Variants in PDE7B observed in about 807,000 individuals in gnomAD.
The protein encoded by PDE7B is phosphodiesterase 7B.
Under a neutral mutation model 56.2 loss-of-function variants are expected in PDE7B, and 29 were observed. The ratio of observed to expected loss-of-function variants is 0.52; its 90% CI spans 0.38 to 0.70. PDE7B has a LOEUF of 0.70. Ranked by LOEUF, PDE7B falls within the 30% of genes least tolerant of loss-of-function variation. The pLI, the probability that PDE7B is intolerant of heterozygous loss-of-function variation, is 0.00. For synonymous variants in PDE7B, 197 were observed against 196.9 expected (o/e 1.00, Z 0.00); for missense variants, 490 against 565.0 (o/e 0.87, Z 1.35).
chr6:136,031,172 TAAATA>T (rs1475103099), intron 2 of PDE7B, among the ~76,000 whole-genome samples: 1 of 152,230 alleles, frequency 6.6e-6, no homozygotes, highest in African/African-American at 2.4e-5. Context: ...TTTTCTTTCA[TAAATA>T]ACTAATATGG....
chr6:135,984,186 C>T (rs552978288), intron 2 of PDE7B, among the ~76,000 whole-genome samples: 1 of 152,320 alleles, frequency 6.6e-6, no homozygotes, highest in South Asian at 2.1e-4. Flanking sequence ...GTTGATAAAA[C>T]AGTCAGCTTG....
intron 2 of PDE7B, among the ~76,000 whole-genome samples, chr6:136,028,566 A>T (rs549578836): frequency 6.6e-6 from 1 of 152,288 alleles, no homozygotes; most frequent in South Asian, 2.1e-4. Context: ...GCTCTAAGGG[A>T]TAATCTGTTT....
chr6:136,180,025 C>T (rs1779037951), intron 10 of PDE7B, among the ~76,000 whole-genome samples: 1 of 152,138 alleles, frequency 6.6e-6, no homozygotes, highest in Non-Finnish European at 1.5e-5. Flanking sequence ...TCTTGTCTTC[C>T]TTCTTTTCTT....
intron 1 of PDE7B, among the ~76,000 whole-genome samples, chr6:135,885,542 A>G (rs1456707127): frequency 6.6e-6 from 1 of 152,204 alleles, no homozygotes. Context: ...GTTCAGAAAA[A>G]TAAGAGAGTC....
intron 1 of PDE7B, among the ~76,000 whole-genome samples, chr6:135,926,211 C>T (rs1054846560): frequency 4.6e-5 from 7 of 151,538 alleles, no homozygotes; most frequent in Non-Finnish European, 7.4e-5. Context: ...CTCAGCCTCC[C>T]GAGCAGCTGG....
intron 2 of PDE7B, among the ~76,000 whole-genome samples, chr6:136,003,269 C>T (rs1394601508): frequency 4.6e-5 from 7 of 151,394 alleles, no homozygotes; most frequent in Non-Finnish European, 1.0e-4. Context: ...AAAATTGACA[C>T]CCTAACATCA....
At chr6:135,892,845 T>C (rs529721897) in intron 1 of PDE7B, among the ~76,000 whole-genome samples, 1 of 152,298 alleles carries the variant, frequency 6.6e-6, no homozygotes, top group African/African-American at 2.4e-5. Flanking sequence ...TTACAGTGTA[T>C]TTGCAATGGA....
At chr6:136,028,996 T>C (rs903421962) in intron 2 of PDE7B, among the ~76,000 whole-genome samples, 2 of 152,224 alleles carry the variant, frequency 1.3e-5, no homozygotes, top group Non-Finnish European at 2.9e-5. Flanking sequence ...TAAGTTTGAA[T>C]GTGTTTACAG....
intron 2 of PDE7B, among the ~76,000 whole-genome samples, chr6:136,107,576 T>C (rs1051288857): frequency 1.3e-5 from 2 of 152,224 alleles, no homozygotes; most frequent in Non-Finnish European, 1.5e-5. Flanking sequence ...CAGCATTTAT[T>C]GCCAGGCAGT....
chr6:136,101,131 A>G (rs1218179037), intron 2 of PDE7B, among the ~76,000 whole-genome samples: 1 of 152,184 alleles, frequency 6.6e-6, no homozygotes. Flanking sequence ...ATCGTGGTGG[A>G]TAAGCTTTTT....
chr6:136,183,004 G>A (rs765161952), intron 11 of PDE7B, among the ~76,000 whole-genome samples: 9 of 150,824 alleles, frequency 6.0e-5, no homozygotes, highest in South Asian at 2.1e-4. Flanking sequence ...CCCAGGAGGC[G>A]GAGGTTGCAG....
chr6:136,043,595 A>AAAAT (rs398002900), intron 2 of PDE7B, among the ~76,000 whole-genome samples: 1 of 146,344 alleles, frequency 6.8e-6, no homozygotes, highest in African/African-American at 2.5e-5. Context: ...AAAAAAAAAA[A>AAAAT]GTGCCTAGAA....
intron 1 of PDE7B, among the ~76,000 whole-genome samples, chr6:135,945,030 A>G (rs1284134508): frequency 6.6e-6 from 1 of 152,106 alleles, no homozygotes; most frequent in African/African-American, 2.4e-5. Flanking sequence ...ACATTTAGGA[A>G]ACCTCTGATC....
At chr6:136,152,546 G>A (rs148045837) in intron 6 of PDE7B, among the ~76,000 whole-genome samples, 5 of 152,284 alleles carry the variant, frequency 3.3e-5, no homozygotes, top group East Asian at 1.9e-4. Flanking sequence ...TAGCTCTGTC[G>A]ACTTGGGAGT....
chr6:136,190,471 T>G, intron 12 of PDE7B, among the ~76,000 whole-genome samples: 1 of 152,208 alleles, frequency 6.6e-6, no homozygotes, highest in East Asian at 1.9e-4. Context: ...AACCTATCCT[T>G]GTAATTCACA....
chr6:136,121,514 T>TA (rs1169106035), intron 3 of PDE7B, among the ~76,000 whole-genome samples: 3 of 152,092 alleles, frequency 2.0e-5, no homozygotes, highest in South Asian at 2.1e-4. Flanking sequence ...CATCCCTTTT[T>TA]AAAAAAAGGA....
chr6:135,952,895 A>AGTCTTTTCGATTTAGTTATAGC (rs1774725657), intron 2 of PDE7B, among the ~76,000 whole-genome samples: 1 of 152,110 alleles, frequency 6.6e-6, no homozygotes, highest in Non-Finnish European at 1.5e-5. Context: ...TTAGTTAGAG[A>AGTCTTTTCGATTTAGTTATAGC]GTCTTTTCGA....
intron 2 of PDE7B, among the ~76,000 whole-genome samples, chr6:136,031,208 C>T (rs1776240868): frequency 6.6e-6 from 1 of 152,196 alleles, no homozygotes; most frequent in Non-Finnish European, 1.5e-5. Context: ...AAATCCTTGC[C>T]ACATGGTTAT....
chr6:136,089,609 A>G (rs1405518831), intron 2 of PDE7B, among the ~76,000 whole-genome samples: 4 of 152,194 alleles, frequency 2.6e-5, no homozygotes, highest in Non-Finnish European at 4.4e-5. Context: ...TTATATTGAC[A>G]CTGTTGTAGA....
Sources: allele counts gnomAD v4.1 joint callset (sites outside exome capture counted in the v4.1 genomes callset), GRCh38; gene constraint gnomAD v4.1.1; transcripts MANE v1.5; gene names NCBI Gene and HGNC (gene_info 2026-07-23, HGNC 2026-07-21).